The following NXNL2 variants were observed in gnomAD, a reference collection of about 807,000 sequenced individuals.
The protein encoded by NXNL2 is nucleoredoxin-like protein 2.
A neutral mutation model predicts 11.1 loss-of-function variants in NXNL2; 7 were observed. That is an observed-to-expected ratio of 0.63 (90% confidence interval 0.36 to 1.18). The LOEUF is 1.18. NXNL2 is among the 50% of genes most tolerant of loss of function. NXNL2 has a pLI of 0.02. For missense variants in NXNL2, 233 were observed against 217.7 expected (o/e 1.07, Z -0.44); for synonymous variants, 109 against 101.8 (o/e 1.07, Z -0.42).
chr9:88,553,616 G>T (rs961822261), intron 1 of NXNL2, among the ~76,000 whole-genome samples: 2 of 152,168 alleles, frequency 1.3e-5, no homozygotes, highest in African/African-American at 4.8e-5. Context: ...GGGAGGTGGA[G>T]AGTCCAACAG....
chr9:88,548,275 G>T (rs1467989870), downstream of NXNL2, among the ~76,000 whole-genome samples: 1 of 138,616 alleles, frequency 7.2e-6, no homozygotes, highest in African/African-American at 2.7e-5. Context: ...GGAGGTGGAG[G>T]TTGCAGTGTG....
At chr9:88,569,977 C>T (rs945848852) in intron 1 of NXNL2, among the ~76,000 whole-genome samples, 19 of 152,150 alleles carry the variant, frequency 1.2e-4, no homozygotes, top group East Asian at 1.9e-4. Context: ...CTCTGCAGGG[C>T]GCCTCATGTC....
At chr9:88,549,819 G>C, downstream of NXNL2, among the ~76,000 whole-genome samples, 1 of 152,118 alleles carries the variant, frequency 6.6e-6, no homozygotes, top group East Asian at 1.9e-4. Context: ...AAAGGGAGGG[G>C]GAAGGTGCCA....
At chr9:88,556,062 G>A (rs1830006599) in intron 1 of NXNL2, among the ~76,000 whole-genome samples, 1 of 152,202 alleles carries the variant, frequency 6.6e-6, no homozygotes, top group South Asian at 2.1e-4. Flanking sequence ...CGGAGACACA[G>A]CAACCCTGGA....
downstream of NXNL2, among the ~76,000 whole-genome samples, chr9:88,548,339 CAAAAAAAAAAA>C (rs60796870): frequency 4.8e-4 from 15 of 31,066 alleles, no homozygotes; most frequent in African/African-American, 1.7e-3. Flanking sequence ...GACTTTTTCT[CAAAAAAAAAAA>C]AAAAAAAAAA....
At chr9:88,561,960 C>T (rs1283261406) in intron 1 of NXNL2, among the ~76,000 whole-genome samples, 2 of 152,174 alleles carry the variant, frequency 1.3e-5, no homozygotes, top group African/African-American at 2.4e-5. Flanking sequence ...TGTATCCCAA[C>T]GGATCCTATG....
At chr9:88,549,814 G>C (rs1829902162), downstream of NXNL2, among the ~76,000 whole-genome samples, 1 of 152,182 alleles carries the variant, frequency 6.6e-6, no homozygotes, top group Non-Finnish European at 1.5e-5. Context: ...GCAAGAAAGG[G>C]AGGGGGAAGG....
chr9:88,562,676 C>T (rs1054809984), intron 1 of NXNL2, among the ~76,000 whole-genome samples: 6 of 151,294 alleles, frequency 4.0e-5, no homozygotes, highest in African/African-American at 9.7e-5. Flanking sequence ...CACTTGAACC[C>T]GGGGGGTGGA....
exon 3 of NXNL2, chr9:88,575,290 G>A (rs2118546807): frequency 3.0e-6 from 1 of 335,860 alleles, no homozygotes; most frequent in Admixed American, 6.5e-5. Flanking sequence ...ATATTGAAGA[G>A]GTATCTGCAC....
chr9:88,557,490 A>T lies in NXNL2; in HGVS notation c.303-13597A>T, dbSNP rs550087799. On this transcript the variant is annotated intron_variant, in intron 1 of 2. Coordinates refer to the NXNL2 transcript ENST00000375855. ...ACGTGAATTAAGCAAATGCACAAAC[A>T]TATGCACAAACAACTTTTGCTGTCA... 3.3e-5 allele frequency among the ~76,000 whole-genome samples: 5 copies of T among 152,378 alleles called. No individual in the cohort carries two copies. In the South Asian group the frequency reaches 8.3e-4, roughly 25 times the overall value.
At chr9:88,547,009 C>A (rs368467192), downstream of NXNL2, among the ~76,000 whole-genome samples, 14 of 152,270 alleles carry the variant, frequency 9.2e-5, no homozygotes, top group African/African-American at 3.4e-4. Context: ...CACTTGCCAC[C>A]CTGCGTGTGG....
chr9:88,544,401 G>T lies in NXNL2; in HGVS notation c.325G>T (p.Val109Phe). The T allele has an allele frequency of 6.4e-7, 1 of 1,551,888 alleles. No individual in the cohort carries two copies. Among genetic ancestry groups the T allele is most frequent in the Non-Finnish European group, 8.7e-7 (1 of 1,147,016 alleles). Residue 109 changes from valine to phenylalanine, a missense_variant, in exon 2 of 2, where the codon GTC becomes TTC. Transcript: ENST00000375854. Reference sequence around the variant, plus strand: ...CAGTGAGCTGAGGAAGAGGTACAACGTCACAGCCATCCCCAAGCTTGTGAT... The same window carrying T: ...CAGTGAGCTGAGGAAGAGGTACAACTTCACAGCCATCCCCAAGCTTGTGAT... ...YRHELRKRYN[V>F]TAIPKLVIVK...
At chr9:88,568,713 C>A (rs529210005) in intron 1 of NXNL2, among the ~76,000 whole-genome samples, 4 of 152,148 alleles carry the variant, frequency 2.6e-5, no homozygotes, top group Non-Finnish European at 5.9e-5. Flanking sequence ...TGCAGAACTT[C>A]CTTGGGTATT....
chr9:88,537,410 C>G (rs1340338052), intron 1 of NXNL2, among the ~76,000 whole-genome samples: 1 of 152,200 alleles, frequency 6.6e-6, no homozygotes, highest in Admixed American at 6.5e-5. Context: ...AGCCTGTGAG[C>G]TCCAGCTGGA....
Position 88,544,664 on chromosome 9 carries a change from G to A in NXNL2, c.*117G>A, listed in dbSNP as rs1829824139. 4.2e-6 allele frequency: 6 copies of A among 1,429,716 alleles called. No individual in the cohort carries two copies. The highest frequency in any genetic ancestry group is 5.5e-6 in the Non-Finnish European group (6 of 1,090,596). The allele number at this position is 1,429,716 out of a possible 1,614,324, so 88.6% of individuals were successfully genotyped here. A position where few individuals can be genotyped will look rare whatever the true frequency, so the allele number is the denominator to read the frequency against. ...TGGTGTGATTTCATTGTATTTCAGA[G>A]CAGAAGCACTAAGCTGTGGTCAAAA... On this transcript the variant is annotated 3_prime_UTR_variant, in exon 2 of 2. Coordinates refer to ENST00000375854, the MANE Select transcript of NXNL2 (RefSeq NM_001161625.2).
At chr9:88,572,678 G>A (rs760889762) in intron 2 of NXNL2, among the ~76,000 whole-genome samples, 1 of 152,202 alleles carries the variant, frequency 6.6e-6, no homozygotes. Context: ...TCCCTCTGAG[G>A]TGAGGCTGAG....
At chr9:88,552,315 A>AT (rs1829941938) in intron 1 of NXNL2, among the ~76,000 whole-genome samples, 1 of 151,950 alleles carries the variant, frequency 6.6e-6, no homozygotes, top group Non-Finnish European at 1.5e-5. Flanking sequence ...AGGGAGTGAA[A>AT]TTGCATGCAT....
At position 88,569,591 on chromosome 9, in the gene NXNL2, T is replaced by C. The variant is rs539681298; in HGVS notation, c.303-1496T>C. Among the ~76,000 whole-genome samples, 131 of 152,364 alleles carry C rather than the reference T, an allele frequency of 8.6e-4. 3 individuals carry two copies. The highest frequency in any genetic ancestry group is 7.5e-3 in the South Asian group (36 of 4,830). On this transcript the variant is annotated intron_variant, in intron 1 of 2. Transcript: ENST00000375855. ...GATGTTTTGATATCAAGTTTAATAC[T>C]TATTTTTGGTTTAAGATATGCTTTG...
chr9:88,556,444 G>A (rs188496392), intron 1 of NXNL2, among the ~76,000 whole-genome samples: 6 of 152,250 alleles, frequency 3.9e-5, no homozygotes, highest in South Asian at 2.1e-4. Flanking sequence ...GAGGGGACCC[G>A]AAGTGGGTAA....
Sources: allele counts gnomAD v4.1 joint callset (sites outside exome capture counted in the v4.1 genomes callset), GRCh38; gene constraint gnomAD v4.1.1; transcripts MANE v1.5; gene names NCBI Gene and HGNC (gene_info 2026-07-23, HGNC 2026-07-21).